The following CWC27 variants were observed in gnomAD, a reference collection of about 807,000 sequenced individuals.
CWC27 encodes the protein spliceosome-associated protein CWC27 homolog.
A neutral mutation model predicts 63.6 loss-of-function variants in CWC27; 47 were observed. The ratio of observed to expected loss-of-function variants is 0.74; its 90% CI spans 0.58 to 0.94. The LOEUF (loss-of-function observed/expected upper bound fraction) is 0.94, where lower values mean the gene tolerates loss of function less well. CWC27 is among the 40% of genes least tolerant of loss of function. The pLI is 0.00. For missense variants in CWC27, 495 were observed against 554.3 expected, an observed-to-expected ratio of 0.89 and a Z score of 1.07; for synonymous variants, 175 against 179.8, an observed-to-expected ratio of 0.97 and a Z score of 0.22.
intron 1 of CWC27, among the ~76,000 whole-genome samples, chr5:64,772,936 CAA>C (rs111700463): frequency 4.2e-5 from 5 of 119,698 alleles, no homozygotes; most frequent in South Asian, 2.7e-4. Flanking sequence ...GACTCTGTCT[CAA>C]AAAAAAAAAA....
At chr5:64,832,713 A>G (rs552311193) in intron 10 of CWC27, among the ~76,000 whole-genome samples, 2 of 151,948 alleles carry the variant, frequency 1.3e-5, no homozygotes, top group Non-Finnish European at 3.0e-5. Context: ...TTTAAAAACT[A>G]CTGTGAGCAG....
chr5:64,881,692 C>T (rs1746938134), intron 10 of CWC27, among the ~76,000 whole-genome samples: 1 of 152,076 alleles, frequency 6.6e-6, no homozygotes. Context: ...TAAATCAATA[C>T]TTTCTGAATC....
At chr5:64,787,440 G>A (rs1743926924) in intron 6 of CWC27, among the ~76,000 whole-genome samples, 1 of 151,902 alleles carries the variant, frequency 6.6e-6, no homozygotes, top group South Asian at 2.1e-4. Flanking sequence ...ATTAATATGT[G>A]CTCACTCAGT....
At chr5:64,782,091 AG>A (rs1743716638) in intron 3 of CWC27, 58 bp downstream of exon 3, 1 of 914,152 alleles carries the variant, frequency 1.1e-6, no homozygotes, top group African/African-American at 1.7e-5. Context: ...TTTCCAAGTC[AG>A]TTTGGATTGC....
intron 10 of CWC27, among the ~76,000 whole-genome samples, chr5:64,859,857 C>G (rs1746355956): frequency 6.6e-6 from 1 of 152,028 alleles, no homozygotes; most frequent in Non-Finnish European, 1.5e-5. Context: ...CATTCTTAGA[C>G]CATTTCCAGA....
rs1746616302 is a variant in CWC27, at chr5:64,869,686, A to G, written c.939-15757A>G. 2.0e-5 allele frequency among the ~76,000 whole-genome samples: 3 copies of G among 152,106 alleles called. No homozygotes were observed. In the South Asian group the frequency reaches 6.2e-4, roughly 31 times the overall value. ...GCAGAGAATGTGCAGATTCATGTAG[A>G]GCAAATCTTTAAGCCACTATAATAG... On this transcript the variant is annotated intron_variant, in intron 10 of 13. Transcript: ENST00000381070.
chr5:64,788,283 A>G (rs889628068), intron 6 of CWC27, among the ~76,000 whole-genome samples: 10 of 150,548 alleles, frequency 6.6e-5, no homozygotes, highest in African/African-American at 2.4e-4. Flanking sequence ...TATATTGGGG[A>G]TGATATGTTG....
intron 13 of CWC27, among the ~76,000 whole-genome samples, chr5:65,017,921 G>A (rs566782923): frequency 6.6e-5 from 10 of 152,312 alleles, no homozygotes; most frequent in African/African-American, 2.2e-4. Flanking sequence ...AGTGAAGACT[G>A]AGGCAAAGAG....
At chr5:64,915,961 C>T (rs1252775972) in intron 11 of CWC27, among the ~76,000 whole-genome samples, 1 of 152,158 alleles carries the variant, frequency 6.6e-6, no homozygotes, top group East Asian at 1.9e-4. Flanking sequence ...AAAGCCTGTG[C>T]TCTTTTCACT....
At chr5:64,896,746 T>TA (rs1580711138) in intron 11 of CWC27, among the ~76,000 whole-genome samples, 3 of 150,920 alleles carry the variant, frequency 2.0e-5, no homozygotes, top group Non-Finnish European at 3.0e-5. Context: ...AGGATATTTT[T>TA]TAAAAAAAAG....
chr5:65,009,123 AG>A (rs1273501915), intron 13 of CWC27, among the ~76,000 whole-genome samples: 2 of 152,082 alleles, frequency 1.3e-5, no homozygotes, highest in African/African-American at 4.8e-5. Context: ...GGCAAAGGGG[AG>A]GTGGCATGGG....
At chr5:64,998,624 C>A (rs1749679222) in intron 13 of CWC27, among the ~76,000 whole-genome samples, 1 of 151,676 alleles carries the variant, frequency 6.6e-6, no homozygotes, top group South Asian at 2.1e-4. Flanking sequence ...AAACTCCAAA[C>A]TGAGGGGGCA....
chr5:64,780,699 G>GCACACACA (rs143721735), intron 2 of CWC27, among the ~76,000 whole-genome samples: 34 of 148,194 alleles, frequency 2.3e-4, no homozygotes, highest in African/African-American at 8.4e-4. Context: ...GCACACGCGC[G>GCACACACA]CACACACACA....
At chr5:64,852,753 G>C (rs887729769) in intron 10 of CWC27, among the ~76,000 whole-genome samples, 1 of 151,482 alleles carries the variant, frequency 6.6e-6, no homozygotes, top group South Asian at 2.1e-4. Flanking sequence ...AATTACAGGC[G>C]TGAGCCACTG....
intron 1 of CWC27, among the ~76,000 whole-genome samples, chr5:64,769,673 G>A (rs1014145141): frequency 3.9e-5 from 6 of 152,164 alleles, no homozygotes. Context: ...GTAAACAAAA[G>A]CCTGTATGTC....
intron 10 of CWC27, among the ~76,000 whole-genome samples, chr5:64,847,356 G>A (rs1746015165): frequency 6.6e-6 from 1 of 152,176 alleles, no homozygotes; most frequent in South Asian, 2.1e-4. Context: ...AAATATGTTT[G>A]CATCTAACAT....
intron 11 of CWC27, among the ~76,000 whole-genome samples, chr5:64,952,230 G>C (rs908985040): frequency 2.0e-5 from 3 of 151,888 alleles, no homozygotes; most frequent in Non-Finnish European, 2.9e-5. Flanking sequence ...CAAGAAAAAA[G>C]TCTGCACATG....
intron 4 of CWC27, among the ~76,000 whole-genome samples, chr5:64,784,976 G>A (rs1309534196): frequency 6.6e-6 from 1 of 152,146 alleles, no homozygotes; most frequent in Admixed American, 6.6e-5. Flanking sequence ...CAGAGACAAT[G>A]TGTAGCATAG....
chr5:64,770,441 G>A (rs1296200740), intron 1 of CWC27, among the ~76,000 whole-genome samples: 2 of 152,184 alleles, frequency 1.3e-5, no homozygotes, highest in East Asian at 3.8e-4. Context: ...GCCAGACAGG[G>A]CCTTCACACT....
Sources: allele counts gnomAD v4.1 joint callset (sites outside exome capture counted in the v4.1 genomes callset), GRCh38; gene constraint gnomAD v4.1.1; transcripts MANE v1.5; gene names NCBI Gene and HGNC (gene_info 2026-07-23, HGNC 2026-07-21).